The following OSBPL6 variants were observed in gnomAD, a reference collection of about 807,000 sequenced individuals.
OSBPL6 encodes oxysterol binding protein like 6, also known as oxysterol-binding protein-related protein 6.
A neutral mutation model predicts 125.8 loss-of-function variants in OSBPL6; 49 were observed. That is an observed-to-expected ratio of 0.39 (90% confidence interval 0.31 to 0.49). OSBPL6 has a LOEUF of 0.49. OSBPL6 is among the 20% of genes least tolerant of loss of function. OSBPL6 has a pLI of 0.88. For missense variants in OSBPL6, 986 were observed against 1,135.4 expected (o/e 0.87, Z 1.89); for synonymous variants, 394 against 391.8 (o/e 1.01, Z -0.07).
At position 178,252,576 on chromosome 2, in the gene OSBPL6, G is replaced by T. The variant is rs372358619; in HGVS notation, c.-350-32351G>T. Among the ~76,000 whole-genome samples the T allele has an allele frequency of 4.6e-5, 7 of 152,104 alleles. No homozygotes were observed. The East Asian group carries it at 1.2e-3, about 25-fold the overall frequency. ...CTCATATGGTCAGGGTTCAAACTCA[G>T]ATTTTGCAGAGGAGGTCAGTGGTCT... On this transcript the variant is annotated intron_variant, in intron 1 of 24. Coordinates refer to ENST00000190611, the MANE Select transcript of OSBPL6 (RefSeq NM_032523.4).
intron 2 of OSBPL6, among the ~76,000 whole-genome samples, chr2:178,290,245 G>A (rs1685117830): frequency 6.6e-6 from 1 of 152,092 alleles, no homozygotes; most frequent in East Asian, 1.9e-4. Context: ...ATATAGGAAG[G>A]GCAGGGTGAT....
In OSBPL6 at chr2:178,394,315, T is replaced by A; in HGVS notation, c.2576T>A (p.Phe859Tyr). ...TDARFRPDQR[F>Y]LEEGNLEAAA... Reference sequence around the variant, plus strand: ...AATATCAACTGCTTTCTGCTTAGATTTTTGGAAGAAGGAAATTTAGAAGCT... The same window carrying A: ...AATATCAACTGCTTTCTGCTTAGATATTTGGAAGAAGGAAATTTAGAAGCT... The change falls in exon 24 of 25, where the codon TTT (phenylalanine) becomes TAT (tyrosine). Residue 859 changes from phenylalanine to tyrosine, a missense_variant and splice_region_variant. This residue lies in a region of OSBPL6 where 843 missense variants were observed against 997.3 expected (regional missense o/e 0.85). Coordinates refer to ENST00000190611, the MANE Select transcript of OSBPL6 (RefSeq NM_032523.4). 1.2e-6 allele frequency: 2 copies of A among 1,611,838 alleles called. No individual in the cohort carries two copies. The highest frequency in any genetic ancestry group is 1.7e-6 in the Non-Finnish European group (2 of 1,179,502).
rs1022641711 is a variant in OSBPL6, at chr2:178,396,727, T to C, written c.*1168T>C. The C allele has an allele frequency of 3.9e-5, 6 of 152,246 alleles. No individual in the cohort carries two copies. Among genetic ancestry groups the C allele is most frequent in the Non-Finnish European group, 2.9e-5 (2 of 68,032 alleles). The allele number at this position is 152,246 out of a possible 1,614,324, so 9.4% of individuals were successfully genotyped here. A position where few individuals can be genotyped will look rare whatever the true frequency, so the allele number is the denominator to read the frequency against. On this transcript the variant is annotated 3_prime_UTR_variant, in exon 25 of 25. Coordinates refer to ENST00000190611, the MANE Select transcript of OSBPL6 (RefSeq NM_032523.4). ...CAAGTGATTCCATATGGTACATGGC[T>C]ACATATTAAGCATTTACCTTGCTAT...
At chr2:178,330,986 T>A (rs565460048) in intron 5 of OSBPL6, among the ~76,000 whole-genome samples, 1 of 152,322 alleles carries the variant, frequency 6.6e-6, no homozygotes, top group African/African-American at 2.4e-5. Flanking sequence ...CCTCTTTGAT[T>A]AATGGTAGAA....
At chr2:178,321,148 T>C (rs892439912) in intron 3 of OSBPL6, among the ~76,000 whole-genome samples, 1 of 152,180 alleles carries the variant, frequency 6.6e-6, no homozygotes, top group Non-Finnish European at 1.5e-5. Flanking sequence ...AGACTCTGTC[T>C]CAAAAATAAT....
chr2:178,252,104 A>G (rs2091716468), intron 1 of OSBPL6, among the ~76,000 whole-genome samples: 1 of 152,004 alleles, frequency 6.6e-6, no homozygotes, highest in Non-Finnish European at 1.5e-5. Context: ...ACCACCATTC[A>G]TTTTCTTAAA....
At chr2:178,388,751 C>T (rs1201775945) in intron 20 of OSBPL6, among the ~76,000 whole-genome samples, 3 of 152,210 alleles carry the variant, frequency 2.0e-5, no homozygotes, top group African/African-American at 7.2e-5. Context: ...TCCCATACTT[C>T]TGTCTCCAGA....
chr2:178,234,549 A>G (rs1290539471), intron 1 of OSBPL6, among the ~76,000 whole-genome samples: 2 of 152,212 alleles, frequency 1.3e-5, no homozygotes, highest in Non-Finnish European at 2.9e-5. Flanking sequence ...ATCTTACAAA[A>G]CTATAGTACA....
intron 5 of OSBPL6, among the ~76,000 whole-genome samples, chr2:178,330,652 C>A (rs955316142): frequency 6.6e-6 from 1 of 152,186 alleles, no homozygotes; most frequent in African/African-American, 2.4e-5. Context: ...GATCCCGAGG[C>A]CTGACTGCCT....
chr2:178,201,083 T>C (rs1465694173), intron 1 of OSBPL6, among the ~76,000 whole-genome samples: 4 of 152,200 alleles, frequency 2.6e-5, no homozygotes, highest in Non-Finnish European at 5.9e-5. Context: ...TGTGAGCCAC[T>C]GTGCCTGGCC....
chr2:178,343,310 C>G (rs1690390216), intron 11 of OSBPL6, among the ~76,000 whole-genome samples: 1 of 151,778 alleles, frequency 6.6e-6, no homozygotes, highest in Non-Finnish European at 1.5e-5. Context: ...TCGCTTGAGG[C>G]CAGAAGTTCA....
chr2:178,345,956 G>A (rs946633490), intron 11 of OSBPL6, among the ~76,000 whole-genome samples: 8 of 152,150 alleles, frequency 5.3e-5, no homozygotes, highest in African/African-American at 1.9e-4. Context: ...AATCATTAAT[G>A]CCCACCTCCC....
At chr2:178,372,925 T>G (rs1693534055) in intron 14 of OSBPL6, among the ~76,000 whole-genome samples, 1 of 152,212 alleles carries the variant, frequency 6.6e-6, no homozygotes, top group Non-Finnish European at 1.5e-5. Context: ...TGTTTATGAC[T>G]CTCCATAAAA....
At chr2:178,369,060 G>C (rs1293014536) in intron 13 of OSBPL6, among the ~76,000 whole-genome samples, 2 of 152,142 alleles carry the variant, frequency 1.3e-5, no homozygotes, top group Non-Finnish European at 2.9e-5. Context: ...GTCTCCCAAA[G>C]TGCTGAGGTT....
At chr2:178,362,153 G>A (rs1692417514) in intron 13 of OSBPL6, among the ~76,000 whole-genome samples, 1 of 152,010 alleles carries the variant, frequency 6.6e-6, no homozygotes, top group African/African-American at 2.4e-5. Flanking sequence ...TCTGAAATGT[G>A]TTCCAGGATA....
chr2:178,256,922 C>G (rs541674824), intron 1 of OSBPL6, among the ~76,000 whole-genome samples: 18 of 152,240 alleles, frequency 1.2e-4, no homozygotes, highest in African/African-American at 4.1e-4. Flanking sequence ...GCAACTGTCT[C>G]TCAATATGAC....
intron 1 of OSBPL6, among the ~76,000 whole-genome samples, chr2:178,217,704 C>G (rs2090148331): frequency 6.6e-6 from 1 of 152,108 alleles, no homozygotes; most frequent in African/African-American, 2.4e-5. Flanking sequence ...GGCTGGTTGC[C>G]CCACCCTAAT....
chr2:178,389,047 G>T lies in OSBPL6; in HGVS notation c.2195G>T (p.Cys732Phe). The change falls in exon 21 of 25, where the codon TGC (cysteine) becomes TTC (phenylalanine). Residue 732 changes from cysteine (C) to phenylalanine (F), a missense_variant. Physicochemically the swap from Cys to Phe is radical, Grantham distance 205 (BLOSUM62 -2). Transcript: ENST00000190611. ...TATGTGTGGAATAAAGTCACCACTTGCATACACAACATCCTCAGTGGGAGA... is the reference window on the plus strand; with the variant it reads ...TATGTGTGGAATAAAGTCACCACTTTCATACACAACATCCTCAGTGGGAGA... ...DYYVWNKVTT[C>F]IHNILSGRRW... is the part of the protein sequence containing the mutation. 6.2e-7 allele frequency: 1 copy of T among 1,613,918 alleles called. No homozygotes were observed. The highest frequency in any genetic ancestry group is 8.5e-7 in the Non-Finnish European group (1 of 1,179,934).
At chr2:178,221,986 A>G (rs573051916) in intron 1 of OSBPL6, among the ~76,000 whole-genome samples, 1 of 152,274 alleles carries the variant, frequency 6.6e-6, no homozygotes, top group Admixed American at 6.5e-5. Context: ...CCTCTGCCAC[A>G]CTACCAACTT....
Sources: gnomAD v4.1 joint callset for allele counts (sites outside exome capture counted in the v4.1 genomes callset) on GRCh38, gnomAD v4.1.1 for gene constraint, gnomAD v4.1.1 regional missense constraint, MANE v1.5 for transcripts, NCBI Gene and HGNC (gene_info 2026-07-23, HGNC 2026-07-21) for gene names.